LYPLAL1: variants seen among roughly 807,000 people sequenced by gnomAD.
The protein encoded by LYPLAL1 is lysophospholipase like 1, also known as lysophospholipase-like protein 1.
Under a neutral mutation model 19.7 loss-of-function variants are expected in LYPLAL1, and 23 were observed. The observed-to-expected ratio is 1.17, with a 90% confidence interval of 0.84 to 1.65. The LOEUF is 1.65. LYPLAL1 is among the 40% of genes most tolerant of loss of function. The pLI is 0.00. For synonymous variants in LYPLAL1, 119 were observed against 96.3 expected, an observed-to-expected ratio of 1.24 and a Z score of -1.38; for missense variants, 355 against 279.4, an observed-to-expected ratio of 1.27 and a Z score of -1.93.
At chr1:219,425,709 T>A in the LYPLAL1 span, among the ~76,000 whole-genome samples, 1 of 152,178 alleles carries the variant, frequency 6.6e-6, no homozygotes, top group African/African-American at 2.4e-5. Context: ...AAGTGGCTCA[T>A]GAAATTTGTA....
the LYPLAL1 span, among the ~76,000 whole-genome samples, chr1:219,285,197 ACTTTTCTCATCTTCATCTTT>A: frequency 6.6e-6 from 1 of 152,352 alleles, no homozygotes; most frequent in African/African-American, 2.4e-5. Flanking sequence ...TCGATAAAGC[ACTTTTCTCATCTTCATCTTT>A]AAACATACAA....
At chr1:219,257,353 GTTTTTGT>G in the LYPLAL1 span, among the ~76,000 whole-genome samples, 352 of 132,520 alleles carry the variant, frequency 2.7e-3, 3 homozygotes, top group East Asian at 8.4e-3. Flanking sequence ...ATCCATACCA[GTTTTTGT>G]TTTTTTTTTT....
chr1:219,206,469 T>C (rs983633926), intron 3 of LYPLAL1, among the ~76,000 whole-genome samples: 1 of 152,054 alleles, frequency 6.6e-6, no homozygotes, highest in Admixed American at 6.5e-5. Context: ...ATACACAAAG[T>C]CCCTTTTCAC....
the LYPLAL1 span, among the ~76,000 whole-genome samples, chr1:219,224,907 T>C: frequency 6.6e-6 from 1 of 152,202 alleles, no homozygotes; most frequent in East Asian, 1.9e-4. Flanking sequence ...TCAGTCCTTA[T>C]CTTTTCCATA....
the LYPLAL1 span, among the ~76,000 whole-genome samples, chr1:219,254,606 C>T: frequency 3.8e-4 from 58 of 152,104 alleles, no homozygotes; most frequent in African/African-American, 8.4e-4. Context: ...AACATAGGCC[C>T]CCAGTTTCTT....
At chr1:219,351,947 G>T in the LYPLAL1 span, among the ~76,000 whole-genome samples, 6 of 152,210 alleles carry the variant, frequency 3.9e-5, no homozygotes, top group African/African-American at 1.4e-4. Flanking sequence ...ATTTGTCAGA[G>T]ATTTCAGGGC....
chr1:219,358,140 G>C, the LYPLAL1 span, among the ~76,000 whole-genome samples: 5 of 152,124 alleles, frequency 3.3e-5, no homozygotes, highest in African/African-American at 4.8e-5. Flanking sequence ...GTGGACTTCA[G>C]TGTTTGAAAA....
At chr1:219,311,097 A>G in the LYPLAL1 span, among the ~76,000 whole-genome samples, 1 of 149,448 alleles carries the variant, frequency 6.7e-6, no homozygotes, top group African/African-American at 2.5e-5. Flanking sequence ...ATATAAAATT[A>G]TTGCAGAAAA....
the LYPLAL1 span, among the ~76,000 whole-genome samples, chr1:219,335,538 G>A: frequency 6.6e-6 from 1 of 151,752 alleles, no homozygotes; most frequent in South Asian, 2.1e-4. Flanking sequence ...CAGTAATTTG[G>A]TAAGAGAAAA....
the LYPLAL1 span, among the ~76,000 whole-genome samples, chr1:219,358,805 T>C: frequency 6.6e-6 from 1 of 151,956 alleles, no homozygotes; most frequent in Non-Finnish European, 1.5e-5. Flanking sequence ...TATTGCTGTA[T>C]TATACATAAT....
At chr1:219,388,962 T>A in the LYPLAL1 span, among the ~76,000 whole-genome samples, 1 of 152,176 alleles carries the variant, frequency 6.6e-6, no homozygotes, top group Non-Finnish European at 1.5e-5. Flanking sequence ...ACACAGCTAC[T>A]CCACACCTGA....
the LYPLAL1 span, among the ~76,000 whole-genome samples, chr1:219,223,851 T>C: frequency 6.6e-6 from 1 of 152,178 alleles, no homozygotes; most frequent in South Asian, 2.1e-4. Context: ...TTGTGATAAA[T>C]TCATAATTGG....
chr1:219,315,470 T>C, the LYPLAL1 span, among the ~76,000 whole-genome samples: 1 of 152,166 alleles, frequency 6.6e-6, no homozygotes, highest in African/African-American at 2.4e-5. Context: ...CAAATAGCTC[T>C]TACAGAAACA....
chr1:219,267,602 T>G, the LYPLAL1 span, among the ~76,000 whole-genome samples: 5 of 152,236 alleles, frequency 3.3e-5, no homozygotes, highest in Admixed American at 2.6e-4. Context: ...CATTAATGTT[T>G]ATAGAAATCC....
the LYPLAL1 span, among the ~76,000 whole-genome samples, chr1:219,375,710 C>A: frequency 6.6e-6 from 1 of 151,104 alleles, no homozygotes; most frequent in African/African-American, 2.4e-5. Context: ...AAAAGAAAAA[C>A]CAAATTGGAG....
intron 2 of LYPLAL1, among the ~76,000 whole-genome samples, chr1:219,184,563 T>A (rs2125041940): frequency 6.6e-6 from 1 of 151,950 alleles, no homozygotes; most frequent in East Asian, 1.9e-4. Flanking sequence ...ATTTCACTGT[T>A]AAGTGTGATG....
chr1:219,198,282 A>C (rs1160837282), intron 3 of LYPLAL1, among the ~76,000 whole-genome samples: 1 of 152,024 alleles, frequency 6.6e-6, no homozygotes, highest in Non-Finnish European at 1.5e-5. Flanking sequence ...ATAGGCACCA[A>C]AAAAGAAAAA....
At chr1:219,262,736 T>G in the LYPLAL1 span, among the ~76,000 whole-genome samples, 2 of 152,078 alleles carry the variant, frequency 1.3e-5, no homozygotes, top group African/African-American at 4.8e-5. Flanking sequence ...TTGGTGGAGG[T>G]GGCAGGGGAG....
the LYPLAL1 span, among the ~76,000 whole-genome samples, chr1:219,433,171 T>C: frequency 2.6e-5 from 4 of 152,188 alleles, no homozygotes; most frequent in African/African-American, 9.6e-5. Flanking sequence ...TATCTCGGGA[T>C]GTTGCATTCC....
Sources: allele counts gnomAD v4.1 joint callset (sites outside exome capture counted in the v4.1 genomes callset), GRCh38; gene constraint gnomAD v4.1.1; transcripts MANE v1.5; gene names NCBI Gene and HGNC (gene_info 2026-07-23, HGNC 2026-07-21).